ZDHHC2: variants seen among roughly 807,000 people sequenced by gnomAD.
The protein encoded by ZDHHC2 is palmitoyltransferase ZDHHC2.
A neutral mutation model predicts 55.6 loss-of-function variants in ZDHHC2; 51 were observed. That is an observed-to-expected ratio of 0.92 (90% CI 0.73 to 1.16). The LOEUF is 1.16. Among genes scored for constraint, ZDHHC2 ranks in the 50% most tolerant of loss-of-function variants. ZDHHC2 has a pLI of 0.00. For synonymous variants in ZDHHC2, 199 were observed against 152.9 expected (o/e 1.30, Z -2.22); for missense variants, 491 against 442.4 (o/e 1.11, Z -0.99).
chr8:17,179,460 G>A (rs1805324063), intron 1 of ZDHHC2, among the ~76,000 whole-genome samples: 1 of 152,116 alleles, frequency 6.6e-6, no homozygotes, highest in African/African-American at 2.4e-5. Flanking sequence ...ACAGGCTGGA[G>A]TACAGTGATG....
intron 2 of ZDHHC2, among the ~76,000 whole-genome samples, chr8:17,185,749 A>G (rs1316319506): frequency 6.6e-6 from 1 of 152,226 alleles, no homozygotes; most frequent in East Asian, 1.9e-4. Flanking sequence ...GCATTACTGA[A>G]AAAAGTATTC....
chr8:17,198,782 A>G (rs1806458017), intron 6 of ZDHHC2, among the ~76,000 whole-genome samples: 1 of 152,242 alleles, frequency 6.6e-6, no homozygotes, highest in African/African-American at 2.4e-5. Flanking sequence ...TAAAGAATTA[A>G]GTCATCAAAA....
intron 1 of ZDHHC2, among the ~76,000 whole-genome samples, chr8:17,163,812 C>T (rs964696258): frequency 1.3e-5 from 2 of 152,074 alleles, no homozygotes; most frequent in South Asian, 4.1e-4. Flanking sequence ...ATTAGAAAGA[C>T]AGTTTTAATA....
At chr8:17,202,734 T>TAC (rs61412744) in intron 6 of ZDHHC2, among the ~76,000 whole-genome samples, 26,992 of 149,588 alleles carry the variant, frequency 0.18, 3,158 homozygotes, top group East Asian at 0.59. Context: ...TATATATATA[T>TAC]ACACACACAC....
At chr8:17,201,115 G>A (rs1415537734) in intron 6 of ZDHHC2, among the ~76,000 whole-genome samples, 2 of 152,052 alleles carry the variant, frequency 1.3e-5, no homozygotes, top group Admixed American at 6.6e-5. Flanking sequence ...CATGCTTTTG[G>A]TTCCAAATTC....
intron 1 of ZDHHC2, among the ~76,000 whole-genome samples, chr8:17,158,381 C>T (rs566226960): frequency 2.4e-4 from 36 of 152,264 alleles, no homozygotes; most frequent in Admixed American, 2.4e-3. Flanking sequence ...CCTAGAAGGC[C>T]TTCATTATCA....
intron 3 of ZDHHC2, among the ~76,000 whole-genome samples, chr8:17,193,200 T>C (rs1418756826): frequency 6.6e-6 from 1 of 152,192 alleles, no homozygotes; most frequent in Non-Finnish European, 1.5e-5. Context: ...TGGGAAGGCT[T>C]TCCAGGTTAG....
intron 6 of ZDHHC2, among the ~76,000 whole-genome samples, chr8:17,202,772 T>TAC (rs924185906): frequency 2.6e-5 from 4 of 150,958 alleles, no homozygotes; most frequent in South Asian, 4.2e-4. Flanking sequence ...TGCACATACA[T>TAC]ACACACACAC....
rs1806629471 is a variant in ZDHHC2, at chr8:17,199,646, C to CTTCGT, written c.476+1233_476+1234insTTCGT. ...CTTCCTTTCTTCTTCTTCTCCTCCT[C>CTTCGT]CTCCTCCCTCCTCCCTCCTCCCTCC... On this transcript the variant is annotated intron_variant, in intron 6 of 12. Transcript: ENST00000262096. Among the ~76,000 whole-genome samples, 4 of 53,696 alleles carry CTTCGT rather than the reference C, an allele frequency of 7.4e-5. 1 individual carries two copies. The South Asian group carries it at 1.8e-3, about 25-fold the overall frequency. 35.2% of individuals were successfully genotyped at this position (53,696 alleles called of 152,430 possible). A position where few individuals can be genotyped will look rare whatever the true frequency, so the allele number is the denominator to read the frequency against.
At chr8:17,185,939 TC>T (rs1563152070) in intron 2 of ZDHHC2, among the ~76,000 whole-genome samples, 2 of 152,224 alleles carry the variant, frequency 1.3e-5, no homozygotes. Flanking sequence ...GTTATCTGTG[TC>T]AGTAAAGCAA....
intron 1 of ZDHHC2, among the ~76,000 whole-genome samples, chr8:17,165,705 G>C (rs1804567847): frequency 6.6e-6 from 1 of 152,216 alleles, no homozygotes. Flanking sequence ...TAGACAGTTT[G>C]TTAGAGGATC....
At chr8:17,203,602 T>C (rs1011517395) in intron 6 of ZDHHC2, among the ~76,000 whole-genome samples, 6 of 152,052 alleles carry the variant, frequency 3.9e-5, no homozygotes, top group African/African-American at 1.4e-4. Flanking sequence ...CCAACATAAG[T>C]AAGCAAAGGG....
intron 10 of ZDHHC2, among the ~76,000 whole-genome samples, chr8:17,212,177 G>A (rs1322560721): frequency 1.3e-5 from 2 of 151,948 alleles, no homozygotes; most frequent in Non-Finnish European, 2.9e-5. Flanking sequence ...TTTCTTCTGC[G>A]GAATTCTACT....
chr8:17,211,364 AT>A (rs1807379159), intron 10 of ZDHHC2, among the ~76,000 whole-genome samples: 1 of 152,120 alleles, frequency 6.6e-6, no homozygotes, highest in Non-Finnish European at 1.5e-5. Context: ...AACACTCCAT[AT>A]TGAACATTTC....
chr8:17,172,077 G>A lies in ZDHHC2; in HGVS notation c.131-12712G>A, dbSNP rs7843930. On this transcript the variant is annotated intron_variant, in intron 1 of 12. Transcript: ENST00000262096. ...ATTCGTCCGATTGATAAAGCCCAAA[G>A]CCCCGCGTCTATCACCTTGTTAATA... is the stretch of plus-strand genomic sequence containing the variant. 6.3e-3 allele frequency among the ~76,000 whole-genome samples: 958 copies of A among 152,098 alleles called. 5 individuals carry two copies. Among genetic ancestry groups the A allele is most frequent in the African/African-American group, 0.022 (904 of 41,510 alleles).
chr8:17,198,897 G>A (rs1032900566), intron 6 of ZDHHC2, among the ~76,000 whole-genome samples: 2 of 152,128 alleles, frequency 1.3e-5, no homozygotes, highest in East Asian at 3.8e-4. Context: ...TTTCCACATA[G>A]AATTCATTAA....
chr8:17,190,869 T>C (rs1806109359), intron 3 of ZDHHC2, among the ~76,000 whole-genome samples: 1 of 151,838 alleles, frequency 6.6e-6, no homozygotes, highest in Admixed American at 6.6e-5. Context: ...TATTATACTC[T>C]TAGTTATTTT....
intron 7 of ZDHHC2, among the ~76,000 whole-genome samples, chr8:17,206,770 A>G (rs1017593355): frequency 2.6e-5 from 4 of 152,164 alleles, no homozygotes; most frequent in Admixed American, 6.5e-5. Flanking sequence ...TAAAAAAGCA[A>G]TTTATCTGCT....
At chr8:17,176,828 G>A (rs1478037198) in intron 1 of ZDHHC2, among the ~76,000 whole-genome samples, 1 of 151,698 alleles carries the variant, frequency 6.6e-6, no homozygotes, top group Non-Finnish European at 1.5e-5. Context: ...GAAAAAAAAA[G>A]AAACAGTTTG....
Sources: allele counts gnomAD v4.1 joint callset (sites outside exome capture counted in the v4.1 genomes callset), GRCh38; gene constraint gnomAD v4.1.1; transcripts MANE v1.5; gene names NCBI Gene and HGNC (gene_info 2026-07-23, HGNC 2026-07-21).